The following EYS variants were observed in gnomAD, a reference collection of about 807,000 sequenced individuals.
EYS encodes the protein protein eyes shut homolog.
EYS carries 250 observed loss-of-function variants against 282.1 expected under a neutral mutation model. The ratio of observed to expected loss-of-function variants is 0.89; its 90% confidence interval spans 0.80 to 0.98. EYS has a LOEUF of 0.98. Ranked by LOEUF, EYS falls within the 50% of genes least tolerant of loss-of-function variation. The probability of loss-of-function intolerance (pLI) is 0.00; values close to 1 mark genes in which losing one functional copy is unlikely to be tolerated. For synonymous variants in EYS, 1,355 were observed against 1,282.9 expected (o/e 1.06, Z -1.20); for missense variants, 4,016 against 3,709.0 (o/e 1.08, Z -2.15).
At chr6:64,614,390 A>G (rs1188394784) in intron 24 of EYS, among the ~76,000 whole-genome samples, 3 of 152,098 alleles carry the variant, frequency 2.0e-5, no homozygotes, top group African/African-American at 7.2e-5. Flanking sequence ...TACAAGACAC[A>G]CTAAAAGCCA....
chr6:63,839,430 A>C (rs1024730418), intron 36 of EYS, among the ~76,000 whole-genome samples: 2 of 152,216 alleles, frequency 1.3e-5, no homozygotes, highest in Non-Finnish European at 2.9e-5. Context: ...TCCATTGTGT[A>C]TATGTATGAC....
chr6:64,437,811 AT>A (rs1561994428), intron 27 of EYS, among the ~76,000 whole-genome samples: 3 of 150,734 alleles, frequency 2.0e-5, no homozygotes, highest in Non-Finnish European at 4.4e-5. Context: ...TACATATTAT[AT>A]TACTTCAGAA....
At chr6:63,726,286 G>A (rs1768613459) in intron 42 of EYS, among the ~76,000 whole-genome samples, 1 of 152,116 alleles carries the variant, frequency 6.6e-6, no homozygotes, top group South Asian at 2.1e-4. Flanking sequence ...TTGTTTTTAA[G>A]TTGAGCATAT....
intron 22 of EYS, among the ~76,000 whole-genome samples, chr6:64,726,265 GA>G (rs1771752650): frequency 6.6e-6 from 1 of 152,094 alleles, no homozygotes; most frequent in African/African-American, 2.4e-5. Context: ...TATGATGTGT[GA>G]TGAATGTCTT....
At chr6:65,263,580 A>G (rs1263474467) in intron 12 of EYS, among the ~76,000 whole-genome samples, 2 of 152,118 alleles carry the variant, frequency 1.3e-5, no homozygotes, top group East Asian at 1.9e-4. Context: ...TGAGGAATCA[A>G]AAGTAATTTA....
At chr6:64,115,144 G>A (rs764286965) in intron 31 of EYS, among the ~76,000 whole-genome samples, 7 of 152,188 alleles carry the variant, frequency 4.6e-5, no homozygotes, top group Non-Finnish European at 1.0e-4. Context: ...GTACATCTAT[G>A]GCCCAGACCC....
At chr6:65,276,193 G>T (rs184282754) in intron 12 of EYS, among the ~76,000 whole-genome samples, 11 of 152,192 alleles carry the variant, frequency 7.2e-5, no homozygotes, top group Non-Finnish European at 1.5e-4. Flanking sequence ...AGGGAACAAG[G>T]TTCTTTAGAA....
intron 26 of EYS, among the ~76,000 whole-genome samples, chr6:64,501,982 T>G (rs1162989016): frequency 6.6e-6 from 1 of 152,206 alleles, no homozygotes; most frequent in Non-Finnish European, 1.5e-5. Context: ...GTGCCTCAAT[T>G]GCCTCATTTA....
chr6:64,590,972 G>T lies in EYS; in HGVS notation c.4895C>A (p.Ser1632Tyr), dbSNP rs1380980801. The change falls in exon 26 of 43, where the codon TCT becomes TAT. Residue 1632 changes from serine to tyrosine, a missense_variant. By Grantham distance (144) the Ser-to-Tyr change is moderately radical (BLOSUM62 -2). Coordinates refer to ENST00000503581, the MANE Select transcript of EYS (RefSeq NM_001142800.2). Reference sequence around the variant, plus strand: ...AATTGTTCTTTTTGCACTCTTTTTAGAAGGAAATAAAGATGGCACTTCTGT... The same window carrying T: ...AATTGTTCTTTTTGCACTCTTTTTATAAGGAAATAAAGATGGCACTTCTGT... Reference protein sequence around the residue: ...AFTEVPSLFPSKKSAKRTILS... With the variant: ...AFTEVPSLFPYKKSAKRTILS... 6.4e-7 allele frequency: 1 copy of T among 1,551,200 alleles called. No homozygotes were observed. The highest frequency in any genetic ancestry group is 8.7e-7 in the Non-Finnish European group (1 of 1,146,750).
At chr6:65,362,194 C>A (rs1425723865) in intron 8 of EYS, among the ~76,000 whole-genome samples, 2 of 152,090 alleles carry the variant, frequency 1.3e-5, no homozygotes, top group Non-Finnish European at 2.9e-5. Context: ...AAGATCACTT[C>A]TTTATTCAAT....
At chr6:65,022,344 T>G (rs1772274514) in intron 13 of EYS, among the ~76,000 whole-genome samples, 1 of 152,190 alleles carries the variant, frequency 6.6e-6, no homozygotes, top group Non-Finnish European at 1.5e-5. Context: ...AAAAGAAAGC[T>G]TCAGAAGGCA....
At chr6:65,108,130 C>T (rs1353647284) in intron 12 of EYS, among the ~76,000 whole-genome samples, 2 of 151,920 alleles carry the variant, frequency 1.3e-5, no homozygotes, top group African/African-American at 4.8e-5. Context: ...TGACTGTTGA[C>T]CTGGCACAAT....
At position 63,866,699 on chromosome 6, in the gene EYS, A is replaced by G. The variant is rs531107293; in HGVS notation, c.7056-2341T>C. On this transcript the variant is annotated intron_variant, in intron 35 of 42. Coordinates refer to ENST00000503581, the MANE Select transcript of EYS (RefSeq NM_001142800.2). ...GTATGTCAGCAGGCAACTAGAGTAGAGAGAGAACTAGAAATTTTATAGAAA... is the reference window on the plus strand; with the variant it reads ...GTATGTCAGCAGGCAACTAGAGTAGGGAGAGAACTAGAAATTTTATAGAAA... Among the ~76,000 whole-genome samples, 3 of 152,324 alleles carry G rather than the reference A, an allele frequency of 2.0e-5. No homozygotes were observed. The East Asian group carries it at 5.8e-4, about 29-fold the overall frequency.
intron 22 of EYS, among the ~76,000 whole-genome samples, chr6:64,708,791 A>G (rs1771114103): frequency 6.6e-6 from 1 of 152,196 alleles, no homozygotes; most frequent in Non-Finnish European, 1.5e-5. Flanking sequence ...GAGAACTAAA[A>G]CAAATGTGAA....
At chr6:65,532,603 G>C (rs1767814914) in intron 2 of EYS, among the ~76,000 whole-genome samples, 1 of 152,054 alleles carries the variant, frequency 6.6e-6, no homozygotes, top group African/African-American at 2.4e-5. Flanking sequence ...AGGGGAAAAA[G>C]TGAAAATTCC....
chr6:65,315,297 G>A (rs1366052167), intron 11 of EYS, among the ~76,000 whole-genome samples: 1 of 151,982 alleles, frequency 6.6e-6, no homozygotes, highest in Non-Finnish European at 1.5e-5. Flanking sequence ...AATGTTTATT[G>A]AATATTAAGA....
chr6:64,548,848 G>T (rs1347667543), intron 26 of EYS, among the ~76,000 whole-genome samples: 1 of 151,396 alleles, frequency 6.6e-6, no homozygotes, highest in Non-Finnish European at 1.5e-5. Flanking sequence ...AGAAAGAATA[G>T]CTGCTAAGGC....
intron 26 of EYS, among the ~76,000 whole-genome samples, chr6:64,481,155 C>A (rs952738180): frequency 1.3e-5 from 2 of 150,462 alleles, no homozygotes; most frequent in African/African-American, 4.9e-5. Flanking sequence ...TGAAAACTCA[C>A]AGCTTTCTCT....
chr6:64,540,361 C>G (rs572093871), intron 26 of EYS, among the ~76,000 whole-genome samples: 2 of 152,098 alleles, frequency 1.3e-5, no homozygotes, highest in East Asian at 3.9e-4. Context: ...TGGTAACAGA[C>G]GCCTGTTCAG....
Sources: gnomAD v4.1 joint callset for allele counts (sites outside exome capture counted in the v4.1 genomes callset) on GRCh38, gnomAD v4.1.1 for gene constraint, MANE v1.5 for transcripts, NCBI Gene and HGNC (gene_info 2026-07-23, HGNC 2026-07-21) for gene names.